SLC26A4: variants seen among roughly 807,000 people sequenced by gnomAD.
SLC26A4 encodes solute carrier family 26 member 4, also known as pendrin.
Under a neutral mutation model 90.4 loss-of-function variants are expected in SLC26A4, and 93 were observed. The observed-to-expected ratio is 1.03, with a 90% CI of 0.87 to 1.22. SLC26A4 has a LOEUF of 1.22. Among genes scored for constraint, SLC26A4 ranks in the 50% most tolerant of loss-of-function variants. The pLI, the probability that SLC26A4 is intolerant of heterozygous loss-of-function variation, is 0.00. For missense variants in SLC26A4, 1,127 were observed against 946.2 expected, an observed-to-expected ratio of 1.19 and a Z score of -2.51; for synonymous variants, 393 against 354.6, an observed-to-expected ratio of 1.11 and a Z score of -1.22.
intron 10 of SLC26A4, among the ~76,000 whole-genome samples, chr7:107,690,587 G>A (rs985017142): frequency 5.3e-5 from 8 of 152,130 alleles, no homozygotes; most frequent in South Asian, 2.1e-4. Context: ...TGGTAAAAGC[G>A]CTTCCTGGCT....
At chr7:107,702,458 G>A (rs540551790) in intron 17 of SLC26A4, among the ~76,000 whole-genome samples, 236 of 152,236 alleles carry the variant, frequency 1.6e-3, no homozygotes, top group African/African-American at 5.4e-3. Context: ...TCGGGAGGCT[G>A]AGGCAGGTGG....
intron 20 of SLC26A4, among the ~76,000 whole-genome samples, chr7:107,715,131 A>G (rs1792311459): frequency 6.7e-6 from 1 of 149,458 alleles, no homozygotes; most frequent in Non-Finnish European, 1.5e-5. Context: ...GCTACTCGGG[A>G]GGCTGAGGCA....
intron 20 of SLC26A4, among the ~76,000 whole-genome samples, chr7:107,715,006 C>T (rs1197570486): frequency 6.7e-6 from 1 of 149,254 alleles, no homozygotes; most frequent in Non-Finnish European, 1.5e-5. Context: ...AGGGGGATCA[C>T]TTGAGGTCAG....
intron 8 of SLC26A4, among the ~76,000 whole-genome samples, chr7:107,687,080 C>G (rs1388469420): frequency 1.3e-5 from 2 of 152,164 alleles, no homozygotes; most frequent in Admixed American, 1.3e-4. Context: ...GTTTATGACG[C>G]TGGCCTGTCG....
At chr7:107,667,376 C>T (rs1412368887) in intron 3 of SLC26A4, among the ~76,000 whole-genome samples, 1 of 142,474 alleles carries the variant, frequency 7.0e-6, no homozygotes, top group South Asian at 2.2e-4. Context: ...GAGGGGCAGC[C>T]AAGAACCTGA....
chr7:107,691,520 C>CACACACACAG (rs1791577134), intron 10 of SLC26A4, among the ~76,000 whole-genome samples: 1 of 86,008 alleles, frequency 1.2e-5, no homozygotes, highest in Admixed American at 1.4e-4. Flanking sequence ...TATATACACA[C>CACACACACAG]ACACACACAC....
intron 10 of SLC26A4, among the ~76,000 whole-genome samples, chr7:107,691,512 TATACAC>T (rs1464248894): frequency 7.3e-4 from 81 of 110,560 alleles, no homozygotes; most frequent in African/African-American, 2.9e-3. Flanking sequence ...CAAATATATA[TATACAC>T]ACACACACAC....
Position 107,683,456 on chromosome 7 carries a change from C to T in SLC26A4, c.920C>T (p.Thr307Met), listed in dbSNP as rs144691257. 73 of 1,613,474 alleles carry T rather than the reference C, an allele frequency of 4.5e-5. No homozygotes were observed. Among genetic ancestry groups the T allele is most frequent in the East Asian group, 3.8e-4 (17 of 44,858 alleles). The part of the protein sequence containing the change: ...PVPIPIEVIV[T>M]IIATAISYGA... Reference sequence around the variant, plus strand: ...TTAACATCTTTTGTTTTATTTCAGACGATAATTGCTACTGCCATTTCATAT... The same window carrying T: ...TTAACATCTTTTGTTTTATTTCAGATGATAATTGCTACTGCCATTTCATAT... The change falls in exon 8 of 21, where the codon ACG becomes ATG. Residue 307 changes from threonine (T) to methionine (M), a missense_variant and splice_region_variant. Coordinates refer to ENST00000644269, the MANE Select transcript of SLC26A4 (RefSeq NM_000441.2).
At chr7:107,705,616 G>A (rs1233263171) in intron 18 of SLC26A4, among the ~76,000 whole-genome samples, 2 of 149,238 alleles carry the variant, frequency 1.3e-5, no homozygotes, top group Admixed American at 1.3e-4. Context: ...TGTTGAGTTA[G>A]CAGGTAATCT....
At chr7:107,709,099 A>G (rs1792111509) in intron 18 of SLC26A4, among the ~76,000 whole-genome samples, 1 of 152,166 alleles carries the variant, frequency 6.6e-6, no homozygotes. Context: ...CTGATCAAAG[A>G]CATGGTTTCT....
At position 107,703,840 on chromosome 7, in the gene SLC26A4, G is replaced by C. The variant is rs118088444; in HGVS notation, c.2035-491G>C. Reference sequence around the variant, plus strand: ...TGACATAATTGTAAATTCACATGTAGTTGTAAGGAATAATATTTAGATCCT... The same window carrying C: ...TGACATAATTGTAAATTCACATGTACTTGTAAGGAATAATATTTAGATCCT... On this transcript the variant is annotated intron_variant, in intron 17 of 20. Transcript: ENST00000644269. Among the ~76,000 whole-genome samples, 12 of 152,222 alleles carry C rather than the reference G, an allele frequency of 7.9e-5. No homozygotes were observed. The East Asian group carries it at 2.3e-3, about 29-fold the overall frequency.
chr7:107,681,660 T>C (rs898536376), intron 6 of SLC26A4, among the ~76,000 whole-genome samples: 2 of 152,190 alleles, frequency 1.3e-5, no homozygotes, highest in East Asian at 1.9e-4. Context: ...GAAGTTAATA[T>C]AACAAAGATA....
intron 10 of SLC26A4, chr7:107,693,729 C>A (rs1311409938): frequency 7.1e-6 from 7 of 992,492 alleles, no homozygotes; most frequent in Non-Finnish European, 8.4e-6. Flanking sequence ...TTTACCCCTG[C>A]TATTGCCCCG....
chr7:107,675,195 G>GCCACCACGCC, intron 6 of SLC26A4, 86 bp downstream of exon 6: 1 of 1,337,778 alleles, frequency 7.5e-7, no homozygotes, highest in East Asian at 2.3e-5. Context: ...GCCAGGCGTG[G>GCCACCACGCC]TGGCTCACAC....
At chr7:107,663,494 A>C in intron 3 of SLC26A4, 59 bp downstream of exon 3, 4 of 1,583,618 alleles carry the variant, frequency 2.5e-6, no homozygotes, top group Non-Finnish European at 3.5e-6. Context: ...ACTTCTCCCC[A>C]GCTACCATAG....
chr7:107,676,857 G>A (rs1008897981), intron 6 of SLC26A4, among the ~76,000 whole-genome samples: 8 of 152,132 alleles, frequency 5.3e-5, no homozygotes, highest in Non-Finnish European at 1.0e-4. Flanking sequence ...AGAATAGACA[G>A]AGGAGGCAGA....
Position 107,694,628 on chromosome 7 carries a change from T to C in SLC26A4, c.1349T>C (p.Leu450Ser). 1 of 1,612,660 alleles carries C rather than the reference T, an allele frequency of 6.2e-7. No homozygotes were observed. The highest frequency in any genetic ancestry group is 8.5e-7 in the Non-Finnish European group (1 of 1,178,666). The part of the protein sequence containing the change: ...KLLEPLQKSV[L>S]AAVVIANLKG... ...CTCTGTCTCTCTTGGCAGTCGGTCT[T>C]GGCAGCTGTTGTAATTGCCAACCTG... The change falls in exon 12 of 21, where the codon TTG (leucine) becomes TCG (serine). Residue 450 changes from leucine to serine, a missense_variant. Transcript: ENST00000644269.
At chr7:107,682,847 A>G (rs1301221493) in intron 6 of SLC26A4, among the ~76,000 whole-genome samples, 1 of 152,286 alleles carries the variant, frequency 6.6e-6, no homozygotes, top group South Asian at 2.1e-4. Flanking sequence ...TGTAAGTAAA[A>G]GTTAGTATGT....
intron 6 of SLC26A4, among the ~76,000 whole-genome samples, chr7:107,675,574 CTT>C (rs563755979): frequency 0.14 from 18,177 of 130,714 alleles, 1,193 homozygotes; most frequent in Admixed American, 0.19. Context: ...TTCTTTCTTT[CTT>C]TTTTTTTTTT....
Sources: allele counts gnomAD v4.1 joint callset (sites outside exome capture counted in the v4.1 genomes callset), GRCh38; gene constraint gnomAD v4.1.1; transcripts MANE v1.5; gene names NCBI Gene and HGNC (gene_info 2026-07-23, HGNC 2026-07-21).